FHIT: variants seen among roughly 807,000 people sequenced by gnomAD.
FHIT encodes the protein bis(5'-adenosyl)-triphosphatase.
Under a neutral mutation model 17.9 loss-of-function variants are expected in FHIT, and 19 were observed. The observed-to-expected ratio is 1.06, with a 90% CI of 0.74 to 1.56. The LOEUF (loss-of-function observed/expected upper bound fraction) is 1.56. FHIT is among the 40% of genes most tolerant of loss of function. The pLI is 0.00. For missense variants in FHIT, 248 were observed against 189.2 expected (o/e 1.31, Z -1.82); for synonymous variants, 81 against 69.7 (o/e 1.16, Z -0.81).
At chr3:60,588,098 T>C (rs1208898878) in intron 4 of FHIT, among the ~76,000 whole-genome samples, 1 of 152,016 alleles carries the variant, frequency 6.6e-6, no homozygotes, top group Non-Finnish European at 1.5e-5. Flanking sequence ...TAGAGACAAA[T>C]TACCATCTTC....
At chr3:60,547,454 G>GA (rs1415212008) in intron 4 of FHIT, among the ~76,000 whole-genome samples, 2 of 151,316 alleles carry the variant, frequency 1.3e-5, no homozygotes, top group Non-Finnish European at 3.0e-5. Context: ...ATACATAAAT[G>GA]AAAAAAAAGG....
At chr3:60,759,643 G>C (rs782373394) in intron 4 of FHIT, among the ~76,000 whole-genome samples, 1 of 152,024 alleles carries the variant, frequency 6.6e-6, no homozygotes, top group African/African-American at 2.4e-5. Flanking sequence ...TGTCCCCAAA[G>C]CCAACTGAAA....
intron 5 of FHIT, among the ~76,000 whole-genome samples, chr3:60,533,076 G>A (rs1001187129): frequency 6.6e-6 from 1 of 152,096 alleles, no homozygotes; most frequent in Non-Finnish European, 1.5e-5. Flanking sequence ...TAAAGAAATG[G>A]CAAAGAACCT....
intron 5 of FHIT, among the ~76,000 whole-genome samples, chr3:60,038,455 T>C (rs904526319): frequency 6.6e-6 from 1 of 152,212 alleles, no homozygotes; most frequent in Non-Finnish European, 1.5e-5. Context: ...ATAAAACAAG[T>C]GCCCTTAAAT....
intron 5 of FHIT, among the ~76,000 whole-genome samples, chr3:60,162,812 C>T (rs930546030): frequency 3.9e-5 from 6 of 152,268 alleles, no homozygotes; most frequent in Non-Finnish European, 7.4e-5. Flanking sequence ...GTACATCATT[C>T]CCCTATGGCT....
chr3:60,246,845 T>G (rs1048804461), intron 5 of FHIT, among the ~76,000 whole-genome samples: 1 of 152,144 alleles, frequency 6.6e-6, no homozygotes, highest in Non-Finnish European at 1.5e-5. Flanking sequence ...TGTTCCTGTT[T>G]CTCTTACTGG....
At chr3:59,984,456 T>C (rs944994896) in intron 7 of FHIT, among the ~76,000 whole-genome samples, 8 of 151,950 alleles carry the variant, frequency 5.3e-5, no homozygotes, top group African/African-American at 1.9e-4. Flanking sequence ...ACTTACGACA[T>C]AGGAAGCTGG....
chr3:60,694,748 C>A (rs150484561), intron 4 of FHIT, among the ~76,000 whole-genome samples: 1 of 152,088 alleles, frequency 6.6e-6, no homozygotes, highest in Non-Finnish European at 1.5e-5. Flanking sequence ...AAAAGGATGA[C>A]TTCATGTCCT....
intron 2 of FHIT, among the ~76,000 whole-genome samples, chr3:61,059,506 G>C (rs1045846725): frequency 1.3e-5 from 2 of 150,756 alleles, no homozygotes; most frequent in South Asian, 4.2e-4. Context: ...GTCTGCCAAA[G>C]TTTATTCTCT....
intron 2 of FHIT, among the ~76,000 whole-genome samples, chr3:61,063,045 G>A (rs974394552): frequency 7.9e-5 from 12 of 151,954 alleles, no homozygotes; most frequent in Admixed American, 7.2e-4. Flanking sequence ...GGATCACGAG[G>A]TCAGGAGATC....
At chr3:60,343,858 G>A (rs1388364248) in intron 5 of FHIT, among the ~76,000 whole-genome samples, 1 of 152,102 alleles carries the variant, frequency 6.6e-6, no homozygotes, top group Non-Finnish European at 1.5e-5. Context: ...AACAGTGGTG[G>A]ACTACTAGAA....
chr3:61,104,171 G>A (rs2035923356), intron 2 of FHIT, among the ~76,000 whole-genome samples: 1 of 151,996 alleles, frequency 6.6e-6, no homozygotes, highest in Non-Finnish European at 1.5e-5. Context: ...TCACTGGTCT[G>A]TATACTTCAC....
At chr3:60,929,420 T>C (rs1707830934) in intron 3 of FHIT, among the ~76,000 whole-genome samples, 1 of 152,180 alleles carries the variant, frequency 6.6e-6, no homozygotes, top group South Asian at 2.1e-4. Context: ...GGAAATCCAA[T>C]TGTCCCTGTT....
chr3:60,800,712 C>T lies in FHIT; in HGVS notation c.-18+21207G>A, dbSNP rs73836146. Among the ~76,000 whole-genome samples the T allele has an allele frequency of 3.1e-4, 47 of 152,244 alleles. No homozygotes were observed. The South Asian group carries it at 5.0e-3, about 16-fold the overall frequency. On this transcript the variant is annotated intron_variant, in intron 4 of 9. Coordinates refer to ENST00000492590, the MANE Select transcript of FHIT (RefSeq NM_002012.4). ...GTAGGATGGGCCAGGGAAGAAGCCA[C>T]GGAAAGATATGGCTTCAGCTGGAGT...
intron 5 of FHIT, among the ~76,000 whole-genome samples, chr3:60,356,443 G>T (rs1213519819): frequency 6.6e-6 from 1 of 151,984 alleles, no homozygotes; most frequent in Non-Finnish European, 1.5e-5. Context: ...TTTTCAAAAA[G>T]GACAAATTAT....
intron 4 of FHIT, among the ~76,000 whole-genome samples, chr3:60,803,302 C>T (rs1338779381): frequency 1.3e-5 from 2 of 152,106 alleles, no homozygotes; most frequent in East Asian, 3.9e-4. Context: ...TCGTGATTAC[C>T]GCCTATACGG....
chr3:61,062,894 G>A (rs982752849), intron 2 of FHIT, among the ~76,000 whole-genome samples: 8 of 152,154 alleles, frequency 5.3e-5, no homozygotes, highest in Non-Finnish European at 1.0e-4. Flanking sequence ...TCTGCTCACT[G>A]AAGATGCTGT....
At chr3:60,788,315 T>C (rs1049843796) in intron 4 of FHIT, among the ~76,000 whole-genome samples, 1 of 151,900 alleles carries the variant, frequency 6.6e-6, no homozygotes, top group African/African-American at 2.4e-5. Context: ...AATATTGTAA[T>C]CAGAGGCTCT....
intron 2 of FHIT, among the ~76,000 whole-genome samples, chr3:61,148,825 G>A (rs1416363609): frequency 6.6e-6 from 1 of 151,890 alleles, no homozygotes; most frequent in Non-Finnish European, 1.5e-5. Context: ...TAACTTATTG[G>A]TTTCAATCTA....
Sources: gnomAD v4.1 joint callset for allele counts (sites outside exome capture counted in the v4.1 genomes callset) on GRCh38, gnomAD v4.1.1 for gene constraint, MANE v1.5 for transcripts, NCBI Gene and HGNC (gene_info 2026-07-23, HGNC 2026-07-21) for gene names.